POMT2: variants seen among roughly 807,000 people sequenced by gnomAD.
The protein encoded by POMT2 is protein O-mannosyl-transferase 2.
POMT2 carries 75 observed loss-of-function variants against 100.0 expected under a neutral mutation model. The ratio of observed to expected loss-of-function variants is 0.75; its 90% CI spans 0.62 to 0.91. The LOEUF is 0.91. Ranked by LOEUF, POMT2 falls within the 40% of genes least tolerant of loss-of-function variation. The pLI is 0.00. For missense variants in POMT2, 940 were observed against 955.1 expected (o/e 0.98, Z 0.21); for synonymous variants, 378 against 374.1 (o/e 1.01, Z -0.12).
At chr14:77,293,384 GTTTGT>G (rs1221128306) in intron 9 of POMT2, among the ~76,000 whole-genome samples, 1 of 152,182 alleles carries the variant, frequency 6.6e-6, no homozygotes, top group Admixed American at 6.5e-5. Context: ...CCACTGAAAT[GTTTGT>G]TTTGACAATG....
Position 77,320,703 on chromosome 14 carries a change from C to A in POMT2, c.-22G>T. ...GCATCTTCCCCCTCCTCTGGGTCGCCCTCCGGCCCGGAGGCACACTTTGTC... is the reference window on the plus strand; with the variant it reads ...GCATCTTCCCCCTCCTCTGGGTCGCACTCCGGCCCGGAGGCACACTTTGTC... On this transcript the variant is annotated 5_prime_UTR_variant, in exon 1 of 21. Coordinates refer to ENST00000261534, the MANE Select transcript of POMT2 (RefSeq NM_013382.7). The A allele has an allele frequency of 6.3e-7, 1 of 1,590,764 alleles. No individual in the cohort carries two copies. Among genetic ancestry groups the A allele is most frequent in the Non-Finnish European group, 8.5e-7 (1 of 1,177,000 alleles).
chr14:77,291,293 A>T, intron 10 of POMT2, 21 bp downstream of exon 10: 1 of 1,605,736 alleles, frequency 6.2e-7, no homozygotes, highest in Middle Eastern at 1.7e-4. Context: ...CACAAGAAGC[A>T]TCAGTCTCTG....
chr14:77,294,480 C>A (rs920163360), intron 9 of POMT2, among the ~76,000 whole-genome samples: 1 of 152,200 alleles, frequency 6.6e-6, no homozygotes, highest in African/African-American at 2.4e-5. Context: ...TGCCATCAAG[C>A]CCGAGTAATT....
chr14:77,283,622 C>T (rs1890306590), intron 15 of POMT2, among the ~76,000 whole-genome samples, 175 bp downstream of exon 15: 1 of 152,248 alleles, frequency 6.6e-6, no homozygotes, highest in Non-Finnish European at 1.5e-5. Flanking sequence ...TCACCACCAT[C>T]CTCATTCTGT....
Position 77,277,336 on chromosome 14 carries a change from G to A in POMT2, c.*40C>T. The A allele has an allele frequency of 6.5e-7, 1 of 1,533,790 alleles. No homozygotes were observed. The highest frequency in any genetic ancestry group is 1.4e-5 in the African/African-American group (1 of 73,192). ...GTACTGCTTCCCAGCTGGCTCTCCT[G>A]GGAAGTTCCTGGACCCAGGCTGGAA... On this transcript the variant is annotated 3_prime_UTR_variant, in exon 21 of 21. Coordinates refer to ENST00000261534, the MANE Select transcript of POMT2 (RefSeq NM_013382.7).
intron 7 of POMT2, among the ~76,000 whole-genome samples, 176 bp downstream of exon 7, chr14:77,299,279 T>C (rs920099201): frequency 6.6e-6 from 1 of 152,212 alleles, no homozygotes; most frequent in African/African-American, 2.4e-5. Context: ...CTGGCCTTTC[T>C]GAGCCCTTAG....
chr14:77,314,548 T>C (rs1046857718), intron 1 of POMT2, among the ~76,000 whole-genome samples: 2 of 152,144 alleles, frequency 1.3e-5, no homozygotes, highest in African/African-American at 2.4e-5. Flanking sequence ...ACATAGTCTT[T>C]GGTAAGAGAA....
chr14:77,288,989 G>T (rs984837486), intron 10 of POMT2, among the ~76,000 whole-genome samples, 158 bp from the exon 11 acceptor site: 3 of 151,980 alleles, frequency 2.0e-5, no homozygotes, highest in Non-Finnish European at 4.4e-5. Context: ...AATTGCTTCA[G>T]GGTATTAGAG....
chr14:77,281,527 C>A (rs1890234605), intron 15 of POMT2, among the ~76,000 whole-genome samples: 1 of 152,128 alleles, frequency 6.6e-6, no homozygotes. Flanking sequence ...CAGGTCTTTG[C>A]TAAAACAGGA....
In POMT2 at chr14:77,279,032, G is replaced by T; in HGVS notation, c.1892-163C>A. On this transcript the variant is annotated intron_variant, in intron 18 of 20. Coordinates refer to ENST00000261534, the MANE Select transcript of POMT2 (RefSeq NM_013382.7). ...ACAGAAACTGGAGAGGAGCAGCTGGGGCTCGAGAGCTCTGGTCAGGGCCCA... is the reference window on the plus strand; with the variant it reads ...ACAGAAACTGGAGAGGAGCAGCTGGTGCTCGAGAGCTCTGGTCAGGGCCCA... The T allele has an allele frequency of 3.0e-6, 3 of 985,884 alleles. No individual in the cohort carries two copies. The East Asian group carries it at 7.9e-5, about 26-fold the overall frequency. The allele number at this position is 985,884 out of a possible 1,614,324, so 61.1% of individuals were successfully genotyped here.
intron 2 of POMT2, among the ~76,000 whole-genome samples, chr14:77,309,277 C>A (rs1891353489): frequency 6.6e-6 from 1 of 152,230 alleles, no homozygotes; most frequent in African/African-American, 2.4e-5. Context: ...TGACCCTGTA[C>A]TTCCTTCTGT....
At chr14:77,281,666 C>T (rs1369784471) in intron 15 of POMT2, among the ~76,000 whole-genome samples, 1 of 152,206 alleles carries the variant, frequency 6.6e-6, no homozygotes, top group South Asian at 2.1e-4. Flanking sequence ...GCTTCTCCAC[C>T]TCAGCACTCC....
intron 1 of POMT2, among the ~76,000 whole-genome samples, chr14:77,318,799 G>A (rs377006481): frequency 1.7e-4 from 26 of 149,190 alleles, no homozygotes; most frequent in African/African-American, 5.7e-4. Context: ...GCAATGGTGC[G>A]ATCTTAGCTC....
At chr14:77,310,713 C>G (rs1000555239) in intron 2 of POMT2, among the ~76,000 whole-genome samples, 1 of 152,198 alleles carries the variant, frequency 6.6e-6, no homozygotes, top group African/African-American at 2.4e-5. Flanking sequence ...CTCCAAGATC[C>G]CTCCCCACTT....
At chr14:77,282,211 CATT>C (rs1264672227) in intron 15 of POMT2, among the ~76,000 whole-genome samples, 2 of 152,220 alleles carry the variant, frequency 1.3e-5, no homozygotes, top group East Asian at 3.8e-4. Flanking sequence ...TTATTCACTA[CATT>C]AAACTCTGAG....
chr14:77,319,194 T>C (rs1197395532), intron 1 of POMT2, among the ~76,000 whole-genome samples: 1 of 152,178 alleles, frequency 6.6e-6, no homozygotes, highest in African/African-American at 2.4e-5. Flanking sequence ...TGAAATAAGA[T>C]TCCTCGGTGC....
Position 77,276,039 on chromosome 14 carries a change from G to A in POMT2, c.*1337C>T, listed in dbSNP as rs45561437. On this transcript the variant is annotated 3_prime_UTR_variant, in exon 21 of 21. Transcript: ENST00000261534. ...CTTCAGAGGAGGGAAAATGGAGTGT[G>A]GCGGATTCATCATTAAATATTGAAG... is the stretch of plus-strand genomic sequence containing the variant. 3,070 of 152,580 alleles carry A rather than the reference G, an allele frequency of 0.02. 49 individuals carry two copies. The highest frequency in any genetic ancestry group is 0.071 in the Middle Eastern group (21 of 294). 9.5% of individuals were successfully genotyped at this position (152,580 alleles called of 1,614,324 possible).
chr14:77,299,697 T>A, intron 6 of POMT2, 136 bp from the exon 7 acceptor site: 2 of 659,628 alleles, frequency 3.0e-6, no homozygotes, highest in Non-Finnish European at 5.5e-6. Flanking sequence ...GAGAAGAATA[T>A]GTGGAAACCC....
In POMT2 at chr14:77,291,384, G is replaced by C; in HGVS notation, c.1117-4C>G. On this transcript the variant is annotated splice_region_variant and splice_polypyrimidine_tract_variant and intron_variant, in intron 9 of 20. Transcript: ENST00000261534. ...CCTTGTGCAAATAGGTGGTGACCTGGGTGGGGGGTGGGGGCGGAGGGAAGA... is the reference window on the plus strand; with the variant it reads ...CCTTGTGCAAATAGGTGGTGACCTGCGTGGGGGGTGGGGGCGGAGGGAAGA... 1.5e-6 allele frequency: 1 copy of C among 668,332 alleles called. No homozygotes were observed. The allele number at this position is 668,332 out of a possible 1,614,324, so 41.4% of individuals were successfully genotyped here.
Sources: allele counts gnomAD v4.1 joint callset (sites outside exome capture counted in the v4.1 genomes callset), GRCh38; gene constraint gnomAD v4.1.1; transcripts MANE v1.5; gene names NCBI Gene and HGNC (gene_info 2026-07-23, HGNC 2026-07-21).